Variants in WWOX observed in about 807,000 individuals in gnomAD.
WWOX encodes the protein WW domain containing oxidoreductase, also known as WW domain-containing oxidoreductase.
A neutral mutation model predicts 46.2 loss-of-function variants in WWOX; 69 were observed. The observed-to-expected ratio is 1.49, with a 90% confidence interval of 1.23 to 1.82. The LOEUF (loss-of-function observed/expected upper bound fraction) is 1.82. WWOX is among the 40% of genes most tolerant of loss of function. WWOX has a pLI of 0.00. For synonymous variants in WWOX, 359 were observed against 202.6 expected (o/e 1.77, Z -6.56); for missense variants, 919 against 542.6 (o/e 1.69, Z -6.89).
At chr16:78,252,271 TA>T (rs548809838) in intron 5 of WWOX, among the ~76,000 whole-genome samples, 29 of 152,110 alleles carry the variant, frequency 1.9e-4, no homozygotes, top group Non-Finnish European at 3.8e-4. Context: ...ATGCTTTATT[TA>T]AAAAAAATCA....
At chr16:78,546,932 G>C (rs549445126) in intron 8 of WWOX, among the ~76,000 whole-genome samples, 1 of 152,038 alleles carries the variant, frequency 6.6e-6, no homozygotes, top group African/African-American at 2.4e-5. Flanking sequence ...TTTCAGATCA[G>C]TCTGGGCAAC....
At chr16:78,234,141 A>G (rs1334363096) in intron 5 of WWOX, among the ~76,000 whole-genome samples, 2 of 150,370 alleles carry the variant, frequency 1.3e-5, no homozygotes, top group Non-Finnish European at 3.0e-5. Context: ...TTGAGTCTGG[A>G]TTTTAGAATA....
intron 8 of WWOX, among the ~76,000 whole-genome samples, chr16:78,930,668 T>G (rs1316893038): frequency 1.3e-5 from 2 of 151,792 alleles, no homozygotes; most frequent in Admixed American, 1.3e-4. Flanking sequence ...TTAATTGCAG[T>G]TAATCCTATT....
At chr16:78,275,295 G>A (rs1277697508) in intron 5 of WWOX, among the ~76,000 whole-genome samples, 1 of 152,112 alleles carries the variant, frequency 6.6e-6, no homozygotes. Context: ...TGGCACCTTT[G>A]CTCCCACATT....
chr16:79,176,099 G>C (rs957120322), intron 8 of WWOX, among the ~76,000 whole-genome samples: 1 of 152,206 alleles, frequency 6.6e-6, no homozygotes, highest in Admixed American at 6.5e-5. Context: ...TATATGGATT[G>C]TTTGCACACC....
chr16:78,666,272 G>C (rs1190740890), intron 8 of WWOX, among the ~76,000 whole-genome samples: 1 of 151,994 alleles, frequency 6.6e-6, no homozygotes, highest in Non-Finnish European at 1.5e-5. Context: ...CTGGGTGACA[G>C]AGCAAGACAC....
At chr16:78,333,043 C>CTTTTTATTTTTTTTTTTTTTTTT (rs2080797946) in intron 5 of WWOX, among the ~76,000 whole-genome samples, 1 of 57,094 alleles carries the variant, frequency 1.8e-5, no homozygotes, top group Non-Finnish European at 3.8e-5. Context: ...GAGCATTATA[C>CTTTTTATTTTTTTTTTTTTTTTT]TTTTTTTTTT....
intron 8 of WWOX, among the ~76,000 whole-genome samples, chr16:78,555,593 T>C (rs1434019110): frequency 1.3e-5 from 2 of 151,642 alleles, no homozygotes; most frequent in Non-Finnish European, 2.9e-5. Context: ...CACTTTTTTT[T>C]TTTTTTTTAC....
At chr16:78,978,806 T>C (rs2046623294) in intron 8 of WWOX, among the ~76,000 whole-genome samples, 1 of 152,014 alleles carries the variant, frequency 6.6e-6, no homozygotes, top group Non-Finnish European at 1.5e-5. Context: ...TTATGAAGGG[T>C]TCATCCTCAT....
intron 8 of WWOX, among the ~76,000 whole-genome samples, chr16:78,938,055 C>G (rs1474075635): frequency 6.6e-6 from 1 of 152,128 alleles, no homozygotes; most frequent in Non-Finnish European, 1.5e-5. Context: ...GTCACTTTCC[C>G]AAGTCTGGGC....
intron 8 of WWOX, among the ~76,000 whole-genome samples, chr16:78,711,330 C>G (rs779901266): frequency 2.0e-5 from 3 of 152,210 alleles, no homozygotes; most frequent in South Asian, 2.1e-4. Flanking sequence ...TGTTTAGCAA[C>G]AGCCTGGCTG....
At chr16:78,432,878 C>T in intron 8 of WWOX, 126 bp downstream of exon 8, 2 of 1,415,940 alleles carry the variant, frequency 1.4e-6, no homozygotes, top group East Asian at 2.3e-5. Context: ...TCCAGCCCAT[C>T]ATAAAGGGCT....
intron 5 of WWOX, among the ~76,000 whole-genome samples, chr16:78,209,050 A>T (rs958394404): frequency 1.3e-5 from 2 of 152,214 alleles, no homozygotes; most frequent in South Asian, 2.1e-4. Flanking sequence ...ATGTATATAC[A>T]TATGCATATT....
chr16:78,974,761 C>A (rs1048889016), intron 8 of WWOX, among the ~76,000 whole-genome samples: 8 of 152,152 alleles, frequency 5.3e-5, no homozygotes, highest in Non-Finnish European at 1.0e-4. Flanking sequence ...GTTGGGTCCG[C>A]CAGCTCTCCA....
chr16:79,041,412 G>T (rs370752170), intron 8 of WWOX, among the ~76,000 whole-genome samples: 1 of 152,130 alleles, frequency 6.6e-6, no homozygotes, highest in Non-Finnish European at 1.5e-5. Context: ...CACGCCCCTT[G>T]CGGTTCCTTG....
At chr16:78,113,031 C>G (rs992351802) in intron 3 of WWOX, among the ~76,000 whole-genome samples, 1 of 152,114 alleles carries the variant, frequency 6.6e-6, no homozygotes, top group African/African-American at 2.4e-5. Flanking sequence ...TTTATGTAGT[C>G]AAATCAATTT....
chr16:79,004,816 C>T (rs991430701), intron 8 of WWOX: 2 of 152,204 alleles, frequency 1.3e-5, no homozygotes, highest in African/African-American at 2.4e-5. Flanking sequence ...AAAGGCACAG[C>T]AGGCACTTGG....
chr16:78,884,316 T>C (rs2044407717), intron 8 of WWOX, among the ~76,000 whole-genome samples: 1 of 149,328 alleles, frequency 6.7e-6, no homozygotes, highest in African/African-American at 2.5e-5. Flanking sequence ...TTTAAGACTA[T>C]GACTGGTCAA....
At chr16:78,826,715 G>T (rs1216478320) in intron 8 of WWOX, among the ~76,000 whole-genome samples, 4 of 152,144 alleles carry the variant, frequency 2.6e-5, no homozygotes, top group Non-Finnish European at 4.4e-5. Context: ...CAAGTTGCAG[G>T]GATTTGGATA....
Sources: gnomAD v4.1 joint callset for allele counts (sites outside exome capture counted in the v4.1 genomes callset) on GRCh38, gnomAD v4.1.1 for gene constraint, MANE v1.5 for transcripts, NCBI Gene and HGNC (gene_info 2026-07-23, HGNC 2026-07-21) for gene names.